Variants in MRPL44 observed in about 807,000 individuals in gnomAD.
MRPL44 encodes large ribosomal subunit protein mL44.
In MRPL44, 21 loss-of-function variants were observed where a neutral mutation model predicts 25.9. The observed-to-expected ratio is 0.81, with a 90% CI of 0.58 to 1.17. MRPL44 has a LOEUF of 1.17. Among genes scored for constraint, MRPL44 ranks in the 50% most tolerant of loss-of-function variants. MRPL44 has a pLI of 0.00. For missense variants in MRPL44, 410 were observed against 398.9 expected, an observed-to-expected ratio of 1.03 and a Z score of -0.24; for synonymous variants, 169 against 151.0, an observed-to-expected ratio of 1.12 and a Z score of -0.87.
chr2:223,961,837 T>G lies in MRPL44; in HGVS notation c.648+1835T>G, dbSNP rs375352837. On this transcript the variant is annotated intron_variant, in intron 2 of 3. Transcript: ENST00000258383. The stretch of plus-strand genomic sequence containing the variant: ...GAAGGAGGCGATAGAAGGTAATCAC[T>G]TAAGAAAAATTGAGCTTTCTTTCTA... Among the ~76,000 whole-genome samples, 3 of 152,230 alleles carry G rather than the reference T, an allele frequency of 2.0e-5. No homozygotes were observed. In the South Asian group the frequency reaches 6.2e-4, roughly 32 times the overall value.
At chr2:223,953,070 T>G (rs906616347), upstream of MRPL44, among the ~76,000 whole-genome samples, 1 of 152,040 alleles carries the variant, frequency 6.6e-6, no homozygotes, top group African/African-American at 2.4e-5. Flanking sequence ...AACCATATAA[T>G]GATAGAAATG....
upstream of MRPL44, among the ~76,000 whole-genome samples, chr2:223,955,917 A>G (rs1371290176): frequency 6.6e-6 from 1 of 152,256 alleles, no homozygotes; most frequent in Non-Finnish European, 1.5e-5. Flanking sequence ...AGTTCCATGA[A>G]GGGCATTAGT....
chr2:223,953,935 A>G (rs1014718728), upstream of MRPL44, among the ~76,000 whole-genome samples: 1 of 152,236 alleles, frequency 6.6e-6, no homozygotes, highest in African/African-American at 2.4e-5. Context: ...AACCCTTTAA[A>G]ATATTCCTTT....
chr2:223,959,454 A>G, intron 1 of MRPL44, 80 bp from the exon 2 acceptor site: 1 of 1,074,334 alleles, frequency 9.3e-7, no homozygotes, highest in East Asian at 2.4e-5. Context: ...AATTAATAAC[A>G]TTACAACACA....
chr2:223,962,049 T>G (rs904839102), intron 2 of MRPL44, among the ~76,000 whole-genome samples: 18 of 152,302 alleles, frequency 1.2e-4, no homozygotes, highest in African/African-American at 4.1e-4. Context: ...TGTAAGTTTT[T>G]TTTTCGAGGC....
At chr2:223,951,168 A>G in the MRPL44 span, among the ~76,000 whole-genome samples, 1 of 152,262 alleles carries the variant, frequency 6.6e-6, no homozygotes, top group Non-Finnish European at 1.5e-5. Context: ...CAGATCAAGC[A>G]AATGAAATGA....
upstream of MRPL44, chr2:223,957,309 C>CG (rs1689579408): frequency 1.3e-6 from 1 of 793,462 alleles, no homozygotes; most frequent in African/African-American, 1.7e-5. Context: ...CACCCCGCCC[C>CG]GGGGCTGTCT....
chr2:223,959,146 A>G (rs141893317), intron 1 of MRPL44, among the ~76,000 whole-genome samples: 2 of 152,318 alleles, frequency 1.3e-5, no homozygotes, highest in East Asian at 3.9e-4. Flanking sequence ...TGCAAATATA[A>G]CATACTAGTG....
Position 223,963,933 on chromosome 2 carries a change from T to C in MRPL44, c.826T>C (p.Cys276Arg). Residue 276 changes from cysteine (C) to arginine (R), a missense_variant and splice_region_variant, in exon 3 of 4, where the codon TGT (cysteine) becomes CGT (arginine). Physicochemically the swap from Cys to Arg is radical, Grantham distance 180. Coordinates refer to ENST00000258383, the MANE Select transcript of MRPL44 (RefSeq NM_022915.5). ...GCCTTTGTATTTTGTTGGCTTATAC[T>C]GGTTAGTGAAATTTTAATCTTAACT... is the stretch of plus-strand genomic sequence containing the variant. ...ALPLYFVGLY[C>R]DKKLIAEGPG... 1 of 1,608,324 alleles carries C rather than the reference T, an allele frequency of 6.2e-7. No homozygotes were observed. Among genetic ancestry groups the C allele is most frequent in the Non-Finnish European group, 8.5e-7 (1 of 1,178,096 alleles).
rs1689628684 is a variant in MRPL44, at chr2:223,959,824, T to C, written c.470T>C (p.Val157Ala). 3.1e-6 allele frequency: 5 copies of C among 1,614,078 alleles called. No individual in the cohort carries two copies. The highest frequency in any genetic ancestry group is 4.2e-6 in the Non-Finnish European group (5 of 1,180,030). Residue 157 changes from valine (V) to alanine (A), a missense_variant, in exon 2 of 4, where the codon GTT (valine) becomes GCT (alanine). Val to Ala is a moderately conservative substitution (Grantham distance 64). Coordinates refer to ENST00000258383, the MANE Select transcript of MRPL44 (RefSeq NM_022915.5). The part of the protein sequence containing the change: ...DMPTEGIKNL[V>A]DFLTGEEVVC... ...CCCACTGAAGGCATAAAAAATCTTGTTGACTTTCTCACTGGTGAGGAAGTC... is the reference window on the plus strand; with the variant it reads ...CCCACTGAAGGCATAAAAAATCTTGCTGACTTTCTCACTGGTGAGGAAGTC...
At chr2:223,954,977 G>C (rs1019403783), upstream of MRPL44, among the ~76,000 whole-genome samples, 3 of 152,164 alleles carry the variant, frequency 2.0e-5, no homozygotes, top group Non-Finnish European at 4.4e-5. Context: ...TCTGGAATAA[G>C]CTCCATGAAA....
upstream of MRPL44, among the ~76,000 whole-genome samples, chr2:223,954,712 T>C (rs1689538396): frequency 6.6e-6 from 1 of 152,178 alleles, no homozygotes; most frequent in Non-Finnish European, 1.5e-5. Context: ...CTGACCAAAA[T>C]GGAAGCTATG....
chr2:223,966,979 A>ACT lies in MRPL44; in HGVS notation c.945_946dup (p.Tyr316SerfsTer9). 6.2e-7 allele frequency: 1 copy of ACT among 1,614,066 alleles called. No individual in the cohort carries two copies. Among genetic ancestry groups the ACT allele is most frequent in the Middle Eastern group, 1.7e-4 (1 of 6,058 alleles). Reference sequence around the variant, plus strand: ...TTCACAGAAAATAGACGGCCGTGGAACTATTCCAAGCCCAAAGAAACCTTG... The same window carrying ACT: ...TTCACAGAAAATAGACGGCCGTGGAACTCTATTCCAAGCCCAAAGAAACCTTG... On this transcript the variant is annotated frameshift_variant, in exon 4 of 4. Coordinates refer to ENST00000258383, the MANE Select transcript of MRPL44 (RefSeq NM_022915.5). LOFTEE classifies it low-confidence loss of function (END_TRUNC).
chr2:223,957,428 G>A (rs1218285138), upstream of MRPL44: 2 of 1,610,978 alleles, frequency 1.2e-6, no homozygotes, highest in Non-Finnish European at 1.7e-6. Context: ...CGGGGACACT[G>A]GCCCGACTAC....
upstream of MRPL44, among the ~76,000 whole-genome samples, chr2:223,956,627 T>C (rs979203490): frequency 1.3e-5 from 2 of 152,236 alleles, no homozygotes; most frequent in Admixed American, 6.5e-5. Flanking sequence ...GAGTTCAATC[T>C]GGGTGACTGC....
chr2:223,951,531 T>C, the MRPL44 span, among the ~76,000 whole-genome samples: 1 of 145,918 alleles, frequency 6.9e-6, no homozygotes, highest in East Asian at 2.0e-4. Context: ...CAGGCTGGAG[T>C]GCAGTGGCAC....
upstream of MRPL44, among the ~76,000 whole-genome samples, chr2:223,952,892 T>G (rs917314998): frequency 1.3e-5 from 2 of 152,230 alleles, no homozygotes; most frequent in Non-Finnish European, 2.9e-5. Context: ...GGGGGCTGCC[T>G]GATTCATCAT....
At chr2:223,957,718 G>A in intron 1 of MRPL44, 67 bp downstream of exon 1, 1 of 1,505,024 alleles carries the variant, frequency 6.6e-7, no homozygotes. Context: ...TTCCCGCGGC[G>A]TCGTGTCTGC....
upstream of MRPL44, chr2:223,957,289 C>A (rs972813674): frequency 5.9e-5 from 39 of 661,248 alleles, no homozygotes; most frequent in Admixed American, 8.0e-4. Flanking sequence ...AGCCTCAAGG[C>A]GGCCGCAATC....
Sources: allele counts gnomAD v4.1 joint callset (sites outside exome capture counted in the v4.1 genomes callset), GRCh38; gene constraint gnomAD v4.1.1; transcripts MANE v1.5; gene names NCBI Gene and HGNC (gene_info 2026-07-23, HGNC 2026-07-21).